Variants in BTRC observed in about 807,000 individuals in gnomAD.
BTRC encodes the protein beta-transducin repeat containing E3 ubiquitin protein ligase, also known as F-box/WD repeat-containing protein 1A.
In BTRC, 42 loss-of-function variants were observed where a neutral mutation model predicts 85.5. The observed-to-expected ratio is 0.49, with a 90% CI of 0.38 to 0.64. The LOEUF is 0.64. BTRC is among the 30% of genes least tolerant of loss of function. The pLI, the probability that BTRC is intolerant of heterozygous loss-of-function variation, is 0.00. For missense variants in BTRC, 594 were observed against 743.5 expected, an observed-to-expected ratio of 0.80 and a Z score of 2.34; for synonymous variants, 255 against 263.3, an observed-to-expected ratio of 0.97 and a Z score of 0.30.
At chr10:101,467,092 A>T (rs999499537) in intron 3 of BTRC, among the ~76,000 whole-genome samples, 2 of 152,162 alleles carry the variant, frequency 1.3e-5, no homozygotes, top group Non-Finnish European at 2.9e-5. Flanking sequence ...GAGAGAAAAC[A>T]TACTGTATTT....
intron 1 of BTRC, among the ~76,000 whole-genome samples, chr10:101,414,147 C>G (rs1943859543): frequency 6.6e-6 from 1 of 152,174 alleles, no homozygotes; most frequent in South Asian, 2.1e-4. Context: ...CCTCTCAGCT[C>G]CTGGCAACCA....
At chr10:101,531,200 T>C in intron 6 of BTRC, 37 bp from the exon 7 acceptor site, 1 of 1,450,092 alleles carries the variant, frequency 6.9e-7, no homozygotes, top group Non-Finnish European at 9.6e-7. Context: ...ATATATAATG[T>C]CATGATTTTC....
Position 101,554,120 on chromosome 10 carries a change from A to G in BTRC, c.*997A>G, listed in dbSNP as rs1041243180. ...CAATGGCTGCATCTTTTCTGGACTC[A>G]GCAGTCTCCTTGATTCCATGTAGAG... On this transcript the variant is annotated 3_prime_UTR_variant, in exon 15 of 15. Transcript: ENST00000370187. The G allele has an allele frequency of 2.0e-5, 3 of 152,366 alleles. No individual in the cohort carries two copies. The highest frequency in any genetic ancestry group is 3.9e-4 in the East Asian group (2 of 5,180). The allele number at this position is 152,366 out of a possible 1,614,324, so 9.4% of individuals were successfully genotyped here. A position where few individuals can be genotyped will look rare whatever the true frequency, so the allele number is the denominator to read the frequency against.
intron 4 of BTRC, among the ~76,000 whole-genome samples, chr10:101,520,989 G>A (rs552065962): frequency 2.6e-5 from 4 of 151,392 alleles, no homozygotes; most frequent in Admixed American, 6.6e-5. Context: ...TGTGATGACG[G>A]AGCACAATAG....
chr10:101,466,870 G>A (rs184754686), intron 3 of BTRC, among the ~76,000 whole-genome samples: 1 of 152,150 alleles, frequency 6.6e-6, no homozygotes, highest in African/African-American at 2.4e-5. Flanking sequence ...AAATTCCTGC[G>A]TTCTAAACAT....
At chr10:101,544,716 A>G (rs977734202) in intron 13 of BTRC, among the ~76,000 whole-genome samples, 30 of 152,086 alleles carry the variant, frequency 2.0e-4, no homozygotes, top group African/African-American at 7.0e-4. Flanking sequence ...TGGCTCTGAA[A>G]AAGTTTTCGT....
At chr10:101,548,602 AT>A (rs2062595645) in intron 13 of BTRC, among the ~76,000 whole-genome samples, 1 of 152,142 alleles carries the variant, frequency 6.6e-6, no homozygotes, top group Non-Finnish European at 1.5e-5. Context: ...AATACAAAAA[AT>A]TAGCCAAGCA....
intron 4 of BTRC, among the ~76,000 whole-genome samples, chr10:101,484,717 G>A (rs955638248): frequency 1.4e-4 from 21 of 152,178 alleles, no homozygotes; most frequent in African/African-American, 3.9e-4. Context: ...ATATAACCAC[G>A]TCATTGAGGC....
At position 101,555,843 on chromosome 10, in the gene BTRC, T is replaced by A. The variant is rs2062717416; in HGVS notation, c.*2720T>A. 1 of 152,194 alleles carries A rather than the reference T, an allele frequency of 6.6e-6. No homozygotes were observed. The highest frequency in any genetic ancestry group is 6.5e-5 in the Admixed American group (1 of 15,280). The allele number at this position is 152,194 out of a possible 1,614,324, so 9.4% of individuals were successfully genotyped here. On this transcript the variant is annotated 3_prime_UTR_variant, in exon 15 of 15. Transcript: ENST00000370187. The stretch of plus-strand genomic sequence containing the variant: ...CAACGTAGGGCCTAAAGGAAACCTT[T>A]CTTAAAGACAGGCTGAAACCCCTTC...
chr10:101,480,735 CAT>C (rs373158614), intron 4 of BTRC, among the ~76,000 whole-genome samples: 51 of 152,174 alleles, frequency 3.4e-4, no homozygotes, highest in Non-Finnish European at 6.2e-4. Context: ...CCATCGAAAT[CAT>C]ACATATAAGA....
chr10:101,461,302 T>G (rs1945219051), intron 2 of BTRC, among the ~76,000 whole-genome samples: 1 of 152,186 alleles, frequency 6.6e-6, no homozygotes, highest in South Asian at 2.1e-4. Context: ...GTATTTTGCC[T>G]TGTAGATAGT....
At chr10:101,354,304 A>G in intron 1 of BTRC, 76 bp downstream of exon 1, 1 of 1,496,590 alleles carries the variant, frequency 6.7e-7, no homozygotes, top group Non-Finnish European at 9.0e-7. Context: ...CCGCCCGCCC[A>G]CTGCGGGACC....
intron 4 of BTRC, among the ~76,000 whole-genome samples, chr10:101,502,888 A>G (rs993995156): frequency 1.3e-5 from 2 of 152,236 alleles, no homozygotes; most frequent in African/African-American, 4.8e-5. Flanking sequence ...TGAAGCATTA[A>G]GCTAATTATA....
rs1482190333 is a variant in BTRC, at chr10:101,556,338, GT to G, written c.*3216del. 1 of 152,134 alleles carries G rather than the reference GT, an allele frequency of 6.6e-6. No homozygotes were observed. Among genetic ancestry groups the G allele is most frequent in the Non-Finnish European group, 1.5e-5 (1 of 68,034 alleles). The allele number at this position is 152,134 out of a possible 1,614,324, so 9.4% of individuals were successfully genotyped here. A position where few individuals can be genotyped will look rare whatever the true frequency, so the allele number is the denominator to read the frequency against. On this transcript the variant is annotated 3_prime_UTR_variant, in exon 15 of 15. Transcript: ENST00000370187. ...TACTCCTTACTTAGCACTTGATTGT[GT>G]GGGGAAACAAAGGTGGGAGGGGTGG... is the stretch of plus-strand genomic sequence containing the variant.
intron 14 of BTRC, among the ~76,000 whole-genome samples, chr10:101,552,359 T>A (rs958179284): frequency 6.9e-6 from 1 of 145,578 alleles, no homozygotes; most frequent in Non-Finnish European, 1.5e-5. Context: ...TTGTTTGTAT[T>A]TTTTTTTTTT....
intron 1 of BTRC, among the ~76,000 whole-genome samples, chr10:101,400,740 A>C (rs899055646): frequency 1.3e-5 from 2 of 152,254 alleles, no homozygotes; most frequent in African/African-American, 4.8e-5. Context: ...AGCAACTGCT[A>C]TGAACAAACA....
chr10:101,530,073 T>C (rs1298986309), intron 6 of BTRC, among the ~76,000 whole-genome samples: 2 of 152,172 alleles, frequency 1.3e-5, no homozygotes, highest in Non-Finnish European at 2.9e-5. Flanking sequence ...ATTTTTTTTT[T>C]GTAGCAAAGA....
At chr10:101,354,616 C>G (rs1941979827) in intron 1 of BTRC, 1 of 266,244 alleles carries the variant, frequency 3.8e-6, no homozygotes, top group Non-Finnish European at 7.0e-6. Flanking sequence ...ACCGGTAAGG[C>G]CCGGGAGAGG....
intron 13 of BTRC, among the ~76,000 whole-genome samples, chr10:101,545,239 G>A (rs914043230): frequency 6.6e-6 from 1 of 151,968 alleles, no homozygotes; most frequent in African/African-American, 2.4e-5. Flanking sequence ...TGCTTATGAT[G>A]TGTCTTGGTG....
Sources: gnomAD v4.1 joint callset for allele counts (sites outside exome capture counted in the v4.1 genomes callset) on GRCh38, gnomAD v4.1.1 for gene constraint, MANE v1.5 for transcripts, NCBI Gene and HGNC (gene_info 2026-07-23, HGNC 2026-07-21) for gene names.